The following GALNT18 variants were observed in gnomAD, a reference collection of about 807,000 sequenced individuals.
GALNT18 encodes the protein polypeptide N-acetylgalactosaminyltransferase 18.
In GALNT18, 44 loss-of-function variants were observed where a neutral mutation model predicts 69.5. The observed-to-expected ratio is 0.63, with a 90% CI of 0.50 to 0.81. The LOEUF is 0.81. Among genes scored for constraint, GALNT18 ranks in the 40% least tolerant of loss-of-function variants. GALNT18 has a pLI of 0.00. For missense variants in GALNT18, 715 were observed against 810.0 expected (o/e 0.88, Z 1.42); for synonymous variants, 364 against 318.2 (o/e 1.14, Z -1.53).
At chr11:11,508,309 G>A (rs959314109) in intron 1 of GALNT18, among the ~76,000 whole-genome samples, 2 of 152,162 alleles carry the variant, frequency 1.3e-5, no homozygotes, top group Admixed American at 6.5e-5. Context: ...ATCTTATAAT[G>A]TGAATGTGTC....
In GALNT18 at chr11:11,618,160, G is replaced by T. The variant is rs191109381; in HGVS notation, c.235+3199C>A. Among the ~76,000 whole-genome samples, 1 of 152,162 alleles carries T rather than the reference G, an allele frequency of 6.6e-6. No homozygotes were observed. The highest frequency in any genetic ancestry group is 1.5e-5 in the Non-Finnish European group (1 of 68,034). On this transcript the variant is annotated intron_variant, in intron 1 of 10. Transcript: ENST00000227756. The surrounding 1 kb of genome is among the most constrained non-coding windows in gnomAD (Gnocchi z 6.1). Reference sequence around the variant, plus strand: ...TGATGCTCCAAAGCCTCTTCTAATTGCAAGTCCTATGGAACATCCTGCAGA... The same window carrying T: ...TGATGCTCCAAAGCCTCTTCTAATTTCAAGTCCTATGGAACATCCTGCAGA...
At chr11:11,299,477 C>T (rs1343084526) in intron 9 of GALNT18, among the ~76,000 whole-genome samples, 3 of 152,168 alleles carry the variant, frequency 2.0e-5, no homozygotes, top group Non-Finnish European at 4.4e-5. Context: ...CACTTCCCTC[C>T]CACCTCTTCC....
chr11:11,441,463 G>A (rs1590004611), intron 2 of GALNT18, among the ~76,000 whole-genome samples: 1 of 152,164 alleles, frequency 6.6e-6, no homozygotes, highest in South Asian at 2.1e-4. Context: ...GGCTGGGCAG[G>A]GCAAGCTGAT....
chr11:11,443,759 G>C (rs559040197), intron 2 of GALNT18, among the ~76,000 whole-genome samples: 29 of 152,356 alleles, frequency 1.9e-4, no homozygotes, highest in African/African-American at 6.5e-4. Context: ...ATGAGGTCCA[G>C]GAGGCTTCAC....
chr11:11,376,648 C>T (rs901199703), intron 5 of GALNT18, among the ~76,000 whole-genome samples: 44 of 152,118 alleles, frequency 2.9e-4, no homozygotes, highest in Admixed American at 5.2e-4. Flanking sequence ...CCCCTACTGC[C>T]GGGGGCTGCT....
At position 11,540,015 on chromosome 11, in the gene GALNT18, C is replaced by A. The variant is rs946214244; in HGVS notation, c.235+81344G>T. ...GGAAATGAGGGGAGACGGAGCTGCA[C>A]AGGGGACCCCGATGCCAGTCCGGCA... On this transcript the variant is annotated intron_variant, in intron 1 of 10. Coordinates refer to ENST00000227756, the MANE Select transcript of GALNT18 (RefSeq NM_198516.3). The surrounding 1 kb of genome is among the most constrained non-coding windows in gnomAD (Gnocchi z 4.6). Among the ~76,000 whole-genome samples the A allele has an allele frequency of 6.6e-6, 1 of 152,222 alleles. No individual in the cohort carries two copies. The highest frequency in any genetic ancestry group is 1.9e-4 in the East Asian group (1 of 5,190).
At position 11,337,047 on chromosome 11, in the gene GALNT18, TG is replaced by T. The variant is rs1308055339; in HGVS notation, c.1278+3771del. Among the ~76,000 whole-genome samples the T allele has an allele frequency of 6.6e-6, 1 of 152,110 alleles. No homozygotes were observed. Among genetic ancestry groups the T allele is most frequent in the Admixed American group, 6.6e-5 (1 of 15,266 alleles). On this transcript the variant is annotated intron_variant, in intron 7 of 10. Coordinates refer to ENST00000227756, the MANE Select transcript of GALNT18 (RefSeq NM_198516.3). This position sits in a 1 kb window ranked among gnomAD's most constrained non-coding sequence, Gnocchi z 4.9. ...GAAAAAATGAGAAGGACTAGCTAAATGGGTGTTACACAAACCTGGCCACCCT... is the reference window on the plus strand; with the variant it reads ...GAAAAAATGAGAAGGACTAGCTAAATGGTGTTACACAAACCTGGCCACCCT...
intron 3 of GALNT18, among the ~76,000 whole-genome samples, chr11:11,401,775 A>C (rs1854473186): frequency 6.6e-6 from 1 of 152,240 alleles, no homozygotes; most frequent in Non-Finnish European, 1.5e-5. Flanking sequence ...TCTGTTCTAA[A>C]CATTAAAGAG....
At position 11,347,595 on chromosome 11, in the gene GALNT18, T is replaced by C. The variant is rs538638519; in HGVS notation, c.1093-6591A>G. On this transcript the variant is annotated intron_variant, in intron 6 of 10. Coordinates refer to ENST00000227756, the MANE Select transcript of GALNT18 (RefSeq NM_198516.3). The surrounding 1 kb of genome is among the most constrained non-coding windows in gnomAD (Gnocchi z 4.0). ...CCACAAGATCAGATCTCAGATACTG[T>C]GCAGCTTTCATCTTCTTATGACTTT... Among the ~76,000 whole-genome samples, 6 of 152,338 alleles carry C rather than the reference T, an allele frequency of 3.9e-5. No homozygotes were observed. Among genetic ancestry groups the C allele is most frequent in the African/African-American group, 9.6e-5 (4 of 41,568 alleles).
rs554182628 is a variant in GALNT18, at chr11:11,290,547, G to C, written c.1677+2482C>G. ...CCAGGATCGGCCACCCCTGACTCCC[G>C]GCAGCTCCCTGAGCACAGCCTGCTT... On this transcript the variant is annotated intron_variant, in intron 10 of 10. Transcript: ENST00000227756. Among the ~76,000 whole-genome samples, 20 of 152,246 alleles carry C rather than the reference G, an allele frequency of 1.3e-4. No homozygotes were observed. In the South Asian group the frequency reaches 4.1e-3, roughly 32 times the overall value.
rs1858524950 is a variant in GALNT18, at chr11:11,562,084, T to C, written c.235+59275A>G. ...TTACTAAAGGTGTGGGATTGCTCCC[T>C]GCATTAGTTTGCTAGTGCTGTCCTA... On this transcript the variant is annotated intron_variant, in intron 1 of 10. Coordinates refer to ENST00000227756, the MANE Select transcript of GALNT18 (RefSeq NM_198516.3). The surrounding 1 kb of genome is among the most constrained non-coding windows in gnomAD (Gnocchi z 4.1). Among the ~76,000 whole-genome samples, 1 of 152,270 alleles carries C rather than the reference T, an allele frequency of 6.6e-6. No homozygotes were observed. The highest frequency in any genetic ancestry group is 1.5e-5 in the Non-Finnish European group (1 of 68,052).
intron 1 of GALNT18, among the ~76,000 whole-genome samples, chr11:11,479,686 C>A (rs1856481387): frequency 6.6e-6 from 1 of 152,142 alleles, no homozygotes; most frequent in Non-Finnish European, 1.5e-5. Flanking sequence ...ACATTAAACT[C>A]ACTAACCTAC....
At chr11:11,532,063 A>G (rs905256282) in intron 1 of GALNT18, among the ~76,000 whole-genome samples, 1 of 152,150 alleles carries the variant, frequency 6.6e-6, no homozygotes, top group Non-Finnish European at 1.5e-5. Flanking sequence ...ATCTTCGAGC[A>G]TTCATCTCTG....
At chr11:11,514,878 G>C (rs1334945350) in intron 1 of GALNT18, among the ~76,000 whole-genome samples, 1 of 152,188 alleles carries the variant, frequency 6.6e-6, no homozygotes, top group Admixed American at 6.5e-5. Context: ...GCAGAGGTTT[G>C]GTTGCTCATG....
At chr11:11,274,924 C>T (rs1458260175) in intron 10 of GALNT18, among the ~76,000 whole-genome samples, 1 of 152,172 alleles carries the variant, frequency 6.6e-6, no homozygotes, top group Non-Finnish European at 1.5e-5. Flanking sequence ...ATATGTGACA[C>T]ATTTTGTTTA....
At chr11:11,452,804 C>T (rs1339056505) in intron 1 of GALNT18, among the ~76,000 whole-genome samples, 1 of 152,166 alleles carries the variant, frequency 6.6e-6, no homozygotes, top group Non-Finnish European at 1.5e-5. Context: ...CAGGATTGGA[C>T]TCTGGCTGAA....
At chr11:11,290,526 G>T (rs1399423918) in intron 10 of GALNT18, among the ~76,000 whole-genome samples, 2 of 152,130 alleles carry the variant, frequency 1.3e-5, no homozygotes, top group Non-Finnish European at 2.9e-5. Flanking sequence ...TGCCCTCCAG[G>T]ATCGGCCACC....
intron 1 of GALNT18, among the ~76,000 whole-genome samples, chr11:11,522,568 ACCTCT>A (rs1857424685): frequency 6.6e-6 from 1 of 152,104 alleles, no homozygotes; most frequent in South Asian, 2.1e-4. Flanking sequence ...CAGAGGGAAG[ACCTCT>A]GACTGGTCCA....
intron 7 of GALNT18, among the ~76,000 whole-genome samples, chr11:11,334,483 C>T (rs190692542): frequency 0.019 from 2,908 of 151,266 alleles, 52 homozygotes; most frequent in Middle Eastern, 0.051. Context: ...GTGGAGCTTG[C>T]AGTGAGCCGA....
Sources: gnomAD v4.1 joint callset for allele counts (sites outside exome capture counted in the v4.1 genomes callset) on GRCh38, gnomAD v4.1.1 for gene constraint, Gnocchi (gnomAD v3.1) non-coding constraint, MANE v1.5 for transcripts, NCBI Gene and HGNC (gene_info 2026-07-23, HGNC 2026-07-21) for gene names.